KDM2B: variants seen among roughly 807,000 people sequenced by gnomAD.
The protein encoded by KDM2B is lysine-specific demethylase 2B.
Under a neutral mutation model 150.0 loss-of-function variants are expected in KDM2B, and 26 were observed. The ratio of observed to expected loss-of-function variants is 0.17; its 90% CI spans 0.13 to 0.24. KDM2B has a LOEUF of 0.24. Among genes scored for constraint, KDM2B ranks in the 10% least tolerant of loss-of-function variants. KDM2B has a pLI of 1.00. For missense variants in KDM2B, 1,265 were observed against 1,816.9 expected (o/e 0.70, Z 5.52); for synonymous variants, 734 against 729.5 (o/e 1.01, Z -0.10).
intron 12 of KDM2B, among the ~76,000 whole-genome samples, chr12:121,475,981 G>C (rs1214908523): frequency 2.7e-5 from 4 of 150,442 alleles, no homozygotes; most frequent in African/African-American, 9.8e-5. Context: ...CTGAGCAATA[G>C]AGTGAGACTC....
In KDM2B at chr12:121,499,214, G is replaced by A. The variant is rs115444142; in HGVS notation, c.1648-4549C>T. On this transcript the variant is annotated intron_variant, in intron 11 of 22. Transcript: ENST00000377071. ...CAGCCTCTACCTCCCCAGTTCCACC[G>A]ACTCCCTGCCTCAGCCTCCTGGGGA... Among the ~76,000 whole-genome samples, 650 of 146,498 alleles carry A rather than the reference G, an allele frequency of 4.4e-3. 6 individuals are homozygous for A. Among genetic ancestry groups the A allele is most frequent in the African/African-American group, 0.015 (607 of 39,386 alleles).
intron 4 of KDM2B, among the ~76,000 whole-genome samples, chr12:121,567,714 T>C (rs1555315225): frequency 6.8e-6 from 1 of 147,098 alleles, no homozygotes; most frequent in Non-Finnish European, 1.5e-5. Flanking sequence ...TTCTTTTTTT[T>C]TTTTTTTTTT....
At chr12:121,534,840 C>T (rs181643783) in intron 6 of KDM2B, among the ~76,000 whole-genome samples, 70 of 152,294 alleles carry the variant, frequency 4.6e-4, no homozygotes, top group Admixed American at 2.6e-3. Flanking sequence ...CACTTGTTTT[C>T]AGGTTCTTGC....
intron 12 of KDM2B, among the ~76,000 whole-genome samples, chr12:121,473,388 CA>C (rs138780057): frequency 2.8e-3 from 315 of 111,750 alleles, no homozygotes; most frequent in African/African-American, 7.0e-3. Flanking sequence ...GACTCTGTCT[CA>C]AAAAAAAAAA....
chr12:121,510,411 C>T (rs1312752975), intron 10 of KDM2B, among the ~76,000 whole-genome samples: 1 of 152,140 alleles, frequency 6.6e-6, no homozygotes, highest in Non-Finnish European at 1.5e-5. Context: ...CCACACTCAG[C>T]TAGTTTTTTT....
rs1237491781 is a variant in KDM2B, at chr12:121,452,514, C to G, written c.1959+606G>C. Among the ~76,000 whole-genome samples, 1 of 152,218 alleles carries G rather than the reference C, an allele frequency of 6.6e-6. No individual in the cohort carries two copies. The highest frequency in any genetic ancestry group is 1.5e-5 in the Non-Finnish European group (1 of 68,016). On this transcript the variant is annotated intron_variant, in intron 13 of 22. Coordinates refer to ENST00000377071, the MANE Select transcript of KDM2B (RefSeq NM_032590.5). This position sits in a 1 kb window ranked among gnomAD's most constrained non-coding sequence, Gnocchi z 4.4. Reference sequence around the variant, plus strand: ...CCTCCACAGGGAGGACCGCCGGCCCCCGGGGAGCAGCGCCCTGAGGAAGGC... The same window carrying G: ...CCTCCACAGGGAGGACCGCCGGCCCGCGGGGAGCAGCGCCCTGAGGAAGGC...
intron 12 of KDM2B, among the ~76,000 whole-genome samples, chr12:121,454,154 G>A (rs186254799): frequency 9.9e-5 from 15 of 152,242 alleles, no homozygotes; most frequent in South Asian, 4.1e-4. Flanking sequence ...CTGTTAGAGC[G>A]CTCATGATGG....
intron 22 of KDM2B, among the ~76,000 whole-genome samples, chr12:121,435,090 T>C (rs1210650693): frequency 6.7e-6 from 1 of 150,304 alleles, no homozygotes; most frequent in Non-Finnish European, 1.5e-5. Flanking sequence ...TTCTAACATT[T>C]TGGGAGGCTG....
In KDM2B at chr12:121,442,358, G is replaced by T; in HGVS notation, c.3083C>A (p.Pro1028His). 6.3e-7 allele frequency: 1 copy of T among 1,583,950 alleles called. No homozygotes were observed. Among genetic ancestry groups the T allele is most frequent in the Non-Finnish European group, 8.6e-7 (1 of 1,161,928 alleles). Residue 1028 changes from proline to histidine, a missense_variant, in exon 19 of 23, where the codon CCC (proline) becomes CAC (histidine). Transcript: ENST00000377071. This position sits in a 1 kb window ranked among gnomAD's most constrained non-coding sequence, Gnocchi z 7.7. The stretch of plus-strand genomic sequence containing the variant: ...GATACACTTGGGCGGGGACACGGAG[G>T]GTGGGGGCCGGGAGATGACACGGGG... ...SPPRVISRPP[P>H]SVSPPKCIQM...
rs142618974 is a variant in KDM2B at position 121,494,758 on chromosome 12, C to T, written c.1648-93G>A. The T allele has an allele frequency of 8.0e-3, 7,505 of 941,112 alleles. 49 individuals are homozygous for T. Among genetic ancestry groups the T allele is most frequent in the Middle Eastern group, 0.021 (94 of 4,382 alleles). The allele number at this position is 941,112 out of a possible 1,614,324, so 58.3% of individuals were successfully genotyped here. A position where few individuals can be genotyped will look rare whatever the true frequency, so the allele number is the denominator to read the frequency against. On this transcript the variant is annotated intron_variant, in intron 11 of 22. Coordinates refer to ENST00000377071, the MANE Select transcript of KDM2B (RefSeq NM_032590.5). ...CAGACATAGTCCAGCAAGGATCACA[C>T]TCCACAAAGTCAGCGCCTGGCCATT...
At position 121,527,354 on chromosome 12, in the gene KDM2B, A is replaced by C. The variant is rs1394358300; in HGVS notation, c.931+5452T>G. Among the ~76,000 whole-genome samples, 6 of 1,662 alleles carry C rather than the reference A, an allele frequency of 3.6e-3. No homozygotes were observed. The East Asian group carries it at 0.064, about 18-fold the overall frequency. 1.1% of individuals were successfully genotyped at this position (1,662 alleles called of 152,430 possible). On this transcript the variant is annotated intron_variant, in intron 8 of 22. Transcript: ENST00000377071. ...TGAGCCACTGTGCCCAGCCTAAAAA[A>C]AAATTGTTTAAAAAAAGGTGGGGAG...
chr12:121,523,312 G>A (rs782046031), intron 8 of KDM2B, among the ~76,000 whole-genome samples: 14 of 152,316 alleles, frequency 9.2e-5, no homozygotes, highest in Non-Finnish European at 1.3e-4. Flanking sequence ...GGACAAGGGC[G>A]GACAGAGGCG....
intron 8 of KDM2B, among the ~76,000 whole-genome samples, chr12:121,522,720 T>C (rs1555306124): frequency 6.6e-6 from 1 of 151,638 alleles, no homozygotes. Context: ...TGGTGGCACA[T>C]GCCTGTAGTC....
chr12:121,454,507 G>A (rs1555292378), intron 12 of KDM2B, among the ~76,000 whole-genome samples: 1 of 152,278 alleles, frequency 6.6e-6, no homozygotes, highest in African/African-American at 2.4e-5. Context: ...ATCTACGGGG[G>A]AGCCCTAAGC....
downstream of KDM2B, among the ~76,000 whole-genome samples, chr12:121,424,831 T>G (rs1190570115): frequency 6.6e-6 from 1 of 152,238 alleles, no homozygotes; most frequent in Non-Finnish European, 1.5e-5. Context: ...GTCCAGGTAT[T>G]GCGCTAGGTG....
rs1287468447 is a variant in KDM2B, at chr12:121,468,298, C to G, written c.1735-14954G>C. ...CCTGAAGAAAAGTGTTGCTAGAAAT[C>G]CAGATAGATCTTCATTCATTCAAAA... On this transcript the variant is annotated intron_variant, in intron 12 of 22. Coordinates refer to ENST00000377071, the MANE Select transcript of KDM2B (RefSeq NM_032590.5). This position sits in a 1 kb window ranked among gnomAD's most constrained non-coding sequence, Gnocchi z 4.0. 1 of 152,140 alleles carries G rather than the reference C, an allele frequency of 6.6e-6. No individual in the cohort carries two copies. Among genetic ancestry groups the G allele is most frequent in the Non-Finnish European group, 1.5e-5 (1 of 68,044 alleles). The allele number at this position is 152,140 out of a possible 1,614,324, so 9.4% of individuals were successfully genotyped here. A position where few individuals can be genotyped will look rare whatever the true frequency, so the allele number is the denominator to read the frequency against.
chr12:121,535,324 C>T (rs1441131763), intron 6 of KDM2B, among the ~76,000 whole-genome samples: 9 of 151,962 alleles, frequency 5.9e-5, no homozygotes, highest in African/African-American at 2.2e-4. Flanking sequence ...AAAGACCAAG[C>T]GGTGTCTGGT....
intron 11 of KDM2B, among the ~76,000 whole-genome samples, chr12:121,502,276 C>CG (rs1884639022): frequency 6.6e-6 from 1 of 152,124 alleles, no homozygotes; most frequent in East Asian, 1.9e-4. Context: ...CAAGAGCATT[C>CG]GGCTGGTTTA....
intron 22 of KDM2B, among the ~76,000 whole-genome samples, chr12:121,438,625 AGAAGGAATGGCTTCCT>A (rs1288799297): frequency 6.6e-6 from 1 of 152,124 alleles, no homozygotes; most frequent in African/African-American, 2.4e-5. Flanking sequence ...CTTCATGAGG[AGAAGGAATGGCTTCCT>A]AGGTCCCGAA....
Sources: gnomAD v4.1 joint callset for allele counts (sites outside exome capture counted in the v4.1 genomes callset) on GRCh38, gnomAD v4.1.1 for gene constraint, Gnocchi (gnomAD v3.1) non-coding constraint, MANE v1.5 for transcripts, NCBI Gene and HGNC (gene_info 2026-07-23, HGNC 2026-07-21) for gene names.